Variants in HMGCLL1 observed in about 807,000 individuals in gnomAD.
HMGCLL1 encodes 3-hydroxymethyl-3-methylglutaryl-CoA lyase, cytoplasmic.
HMGCLL1 carries 36 observed loss-of-function variants against 39.1 expected under a neutral mutation model. That is an observed-to-expected ratio of 0.92 (90% CI 0.71 to 1.22). The LOEUF is 1.22. Ranked by LOEUF, HMGCLL1 falls within the 50% of genes most tolerant of loss-of-function variation. The pLI, the probability that HMGCLL1 is intolerant of heterozygous loss-of-function variation, is 0.00. For synonymous variants in HMGCLL1, 149 were observed against 144.0 expected (o/e 1.03, Z -0.25); for missense variants, 451 against 416.5 (o/e 1.08, Z -0.72).
intron 7 of HMGCLL1, among the ~76,000 whole-genome samples, chr6:55,464,444 A>G (rs1764712642): frequency 6.6e-6 from 1 of 152,154 alleles, no homozygotes; most frequent in African/African-American, 2.4e-5. Context: ...TACATGGATA[A>G]CCACCTCCAG....
chr6:55,662,004 A>G, the HMGCLL1 span, among the ~76,000 whole-genome samples: 1 of 151,318 alleles, frequency 6.6e-6, no homozygotes, highest in Non-Finnish European at 1.5e-5. Context: ...TGGTTGGTGT[A>G]TAAAAATGCT....
the HMGCLL1 span, among the ~76,000 whole-genome samples, chr6:55,584,313 T>C: frequency 6.6e-6 from 1 of 152,140 alleles, no homozygotes; most frequent in South Asian, 2.1e-4. Context: ...CAAGAGATGC[T>C]GAACAGAATG....
chr6:55,551,746 G>T (rs1414185914), intron 1 of HMGCLL1, among the ~76,000 whole-genome samples: 1 of 152,024 alleles, frequency 6.6e-6, no homozygotes, highest in African/African-American at 2.4e-5. Context: ...AACCCCAATT[G>T]TAGCTTCTGT....
intron 7 of HMGCLL1, among the ~76,000 whole-genome samples, chr6:55,450,566 A>G (rs188389776): frequency 1.3e-5 from 2 of 152,244 alleles, no homozygotes; most frequent in East Asian, 3.8e-4. Context: ...TTTTAAAAGT[A>G]TATAACAAAG....
intron 7 of HMGCLL1, among the ~76,000 whole-genome samples, chr6:55,474,723 T>G (rs558484596): frequency 6.6e-6 from 1 of 151,656 alleles, no homozygotes; most frequent in East Asian, 1.9e-4. Context: ...CTACACATTG[T>G]ATCTGGTAAT....
chr6:55,455,815 T>TCTA (rs1764298362), intron 7 of HMGCLL1, among the ~76,000 whole-genome samples: 2 of 152,194 alleles, frequency 1.3e-5, no homozygotes, highest in Admixed American at 1.3e-4. Context: ...AGGAATCCCT[T>TCTA]CTACTGTTAG....
rs1259727484 is a variant in HMGCLL1 at position 55,499,086 on chromosome 6, ATTAG to A, written c.606+146_606+149del. 5.5e-6 allele frequency: 3 copies of A among 549,906 alleles called. No individual in the cohort carries two copies. In the African/African-American group the frequency reaches 5.8e-5, roughly 11 times the overall value. 34.1% of individuals were successfully genotyped at this position (549,906 alleles called of 1,614,324 possible). A position where few individuals can be genotyped will look rare whatever the true frequency, so the allele number is the denominator to read the frequency against. On this transcript the variant is annotated intron_variant, in intron 6 of 8. Transcript: ENST00000274901. ...AGGACTTCACTGTTAAAATGAAACT[ATTAG>A]TTAAGTGATCAAATATGTCTTCAGG...
chr6:55,519,202 G>C (rs747732124), intron 3 of HMGCLL1, among the ~76,000 whole-genome samples: 5 of 152,076 alleles, frequency 3.3e-5, no homozygotes, highest in Non-Finnish European at 4.4e-5. Flanking sequence ...ACTAAATGTA[G>C]TATTATAGAA....
At chr6:55,678,005 A>G in the HMGCLL1 span, among the ~76,000 whole-genome samples, 1 of 152,188 alleles carries the variant, frequency 6.6e-6, no homozygotes, top group African/African-American at 2.4e-5. Flanking sequence ...GTGTCATTGT[A>G]CAAACTAGAT....
intron 5 of HMGCLL1, among the ~76,000 whole-genome samples, chr6:55,503,305 G>T (rs1766989461): frequency 6.6e-6 from 1 of 151,742 alleles, no homozygotes; most frequent in South Asian, 2.1e-4. Context: ...GGTGATGCCA[G>T]ACTCCAAGAC....
chr6:55,463,410 A>C (rs1471891936), intron 7 of HMGCLL1, among the ~76,000 whole-genome samples: 1 of 152,142 alleles, frequency 6.6e-6, no homozygotes, highest in African/African-American at 2.4e-5. Flanking sequence ...TGGTTATTTA[A>C]AAATAAATTT....
the HMGCLL1 span, among the ~76,000 whole-genome samples, chr6:55,650,108 T>TATATATATATATATACACACATATAC: frequency 5.3e-5 from 4 of 75,788 alleles, no homozygotes; most frequent in South Asian, 5.2e-4. Flanking sequence ...TATATATATA[T>TATATATATATATATACACACATATAC]ATATATATAT....
chr6:55,550,147 A>C (rs2127463958), intron 1 of HMGCLL1, among the ~76,000 whole-genome samples: 1 of 152,118 alleles, frequency 6.6e-6, no homozygotes, highest in South Asian at 2.1e-4. Context: ...AGGTGGCAGA[A>C]GGGGTTGAGA....
the HMGCLL1 span, among the ~76,000 whole-genome samples, chr6:55,650,084 C>CAT: frequency 6.2e-5 from 3 of 48,070 alleles, 1 homozygote; most frequent in Non-Finnish European, 1.2e-4. Flanking sequence ...TATACACACA[C>CAT]ATATACATAT....
chr6:55,676,065 A>C, the HMGCLL1 span, among the ~76,000 whole-genome samples: 1 of 152,128 alleles, frequency 6.6e-6, no homozygotes, highest in African/African-American at 2.4e-5. Context: ...TTATTTCCAA[A>C]TAGTTAAGGC....
At chr6:55,657,387 G>A in the HMGCLL1 span, among the ~76,000 whole-genome samples, 2 of 151,896 alleles carry the variant, frequency 1.3e-5, no homozygotes, top group East Asian at 1.9e-4. Context: ...TAAGGAAGGG[G>A]TCCAGTTTCA....
At chr6:55,485,322 G>T (rs1258669037) in intron 7 of HMGCLL1, among the ~76,000 whole-genome samples, 1 of 151,828 alleles carries the variant, frequency 6.6e-6, no homozygotes, top group East Asian at 1.9e-4. Context: ...GTGTGTGTTG[G>T]GGGGGTGTTT....
chr6:55,677,666 T>C, the HMGCLL1 span, among the ~76,000 whole-genome samples: 100 of 152,194 alleles, frequency 6.6e-4, no homozygotes, highest in Non-Finnish European at 1.0e-3. Context: ...GTGATACCTG[T>C]TATCAAATGA....
the HMGCLL1 span, among the ~76,000 whole-genome samples, chr6:55,651,545 G>A: frequency 3.5e-4 from 53 of 152,180 alleles, no homozygotes; most frequent in East Asian, 9.3e-3. Flanking sequence ...TGCGCTGCCT[G>A]GGGTTGGCGG....
Sources: allele counts gnomAD v4.1 joint callset (sites outside exome capture counted in the v4.1 genomes callset), GRCh38; gene constraint gnomAD v4.1.1; transcripts MANE v1.5; gene names NCBI Gene and HGNC (gene_info 2026-07-23, HGNC 2026-07-21).